The following ITPRID2 variants were observed in gnomAD, a reference collection of about 807,000 sequenced individuals.
ITPRID2 encodes ITPR interacting domain containing 2.
In ITPRID2, 60 loss-of-function variants were observed where a neutral mutation model predicts 124.3. The observed-to-expected ratio is 0.48, with a 90% confidence interval of 0.39 to 0.60. The LOEUF is 0.60. ITPRID2 is among the 20% of genes least tolerant of loss of function. The pLI, the probability that ITPRID2 is intolerant of heterozygous loss-of-function variation, is 0.00. For missense variants in ITPRID2, 1,553 were observed against 1,512.2 expected (o/e 1.03, Z -0.45); for synonymous variants, 521 against 542.9 (o/e 0.96, Z 0.56).
rs74735662 is a variant in ITPRID2, at chr2:181,918,326, C to T, written c.2788-272C>T. The T allele has an allele frequency of 0.028, 32,503 of 1,171,844 alleles. 694 individuals carry two copies. The highest frequency in any genetic ancestry group is 0.12 in the East Asian group (2,794 of 23,844). 72.6% of individuals were successfully genotyped at this position (1,171,844 alleles called of 1,614,324 possible). On this transcript the variant is annotated intron_variant, in intron 11 of 17. Transcript: ENST00000431877. ...TTTTGATTTTGTTTTTTTTTAGTTT[C>T]GCAAGAGGGAAGTCCTGAAAGAAAT...
rs750129010 is a variant in ITPRID2 at position 181,922,245 on chromosome 2, C to T, written c.3508C>T (p.Pro1170Ser). 9 of 1,614,206 alleles carry T rather than the reference C, an allele frequency of 5.6e-6. No homozygotes were observed. The highest frequency in any genetic ancestry group is 7.6e-6 in the Non-Finnish European group (9 of 1,180,040). ...TAGAACAGGCTCTGTGCAGACACCT[C>T]CAGATTTGGAAAGTTCTGAGGAAGT... Reference protein sequence around the residue: ...PSRTGSVQTPPDLESSEEVDA... With the variant: ...PSRTGSVQTPSDLESSEEVDA... The change falls in exon 16 of 18, where the codon CCA becomes TCA. Residue 1170 changes from proline (P) to serine (S), a missense_variant. Physicochemically the swap from Pro to Ser is moderately conservative, Grantham distance 74 (BLOSUM62 -1). Transcript: ENST00000431877.
intron 15 of ITPRID2, among the ~76,000 whole-genome samples, chr2:181,921,189 A>G (rs991454604): frequency 2.6e-5 from 4 of 151,794 alleles, no homozygotes; most frequent in African/African-American, 9.7e-5. Flanking sequence ...GTCTTTAAAA[A>G]ATAATAAGCC....
chr2:181,923,187 G>GT (rs1694610509), intron 16 of ITPRID2, among the ~76,000 whole-genome samples: 1 of 152,044 alleles, frequency 6.6e-6, no homozygotes, highest in African/African-American at 2.4e-5. Context: ...TAAAATAAAT[G>GT]TTTTTTGCAC....
In ITPRID2 at chr2:181,928,163, T is replaced by C; in HGVS notation, c.3678T>C (p.Ile1226=). 6.5e-7 allele frequency: 1 copy of C among 1,538,812 alleles called. No homozygotes were observed. The highest frequency in any genetic ancestry group is 1.2e-5 in the South Asian group (1 of 81,586). Residue 1226 remains isoleucine, a splice_region_variant and synonymous_variant, in exon 17 of 18, where the codon ATT becomes ATC. Transcript: ENST00000431877. ...GTTTTATTGTTTTTCCAATCTAGAT[T>C]AAAGAGTCTATTGTTGGGGAAATCA... is the stretch of plus-strand genomic sequence containing the variant. ...QDELQQVIRE[I]KESIVGEIRR... is the part of the protein sequence containing the mutation.
chr2:181,923,140 T>G (rs1326637975), intron 16 of ITPRID2, among the ~76,000 whole-genome samples: 1 of 152,176 alleles, frequency 6.6e-6, no homozygotes, highest in East Asian at 1.9e-4. Flanking sequence ...AAATTACATA[T>G]GATTAGTAGT....
At position 181,918,672 on chromosome 2, in the gene ITPRID2, T is replaced by C; in HGVS notation, c.2862T>C (p.Tyr954=). The change falls in exon 12 of 18, where the codon TAT becomes TAC. Residue 954 remains tyrosine (Y), a synonymous_variant. Transcript: ENST00000431877. The part of the protein sequence containing the change: ...STQKSSVLPL[Y]ENTFQELQVM... ...AGAAATCATCTGTTCTACCTCTTTA[T>C]GAAGTAAGTTCTTTCTTACATCTTT... 1 of 1,614,088 alleles carries C rather than the reference T, an allele frequency of 6.2e-7. No individual in the cohort carries two copies. The highest frequency in any genetic ancestry group is 8.5e-7 in the Non-Finnish European group (1 of 1,179,950).
chr2:181,915,341 A>G lies in ITPRID2; in HGVS notation c.1701A>G (p.Ser567=). The change falls in exon 11 of 18, where the codon TCA becomes TCG. Residue 567 remains serine (S), a synonymous_variant. Coordinates refer to ENST00000431877, the MANE Select transcript of ITPRID2 (RefSeq NM_001130445.3). ...AAGACCAGCCTTATTTTAATGAATC[A>G]GAGGAGGAGTCTCTTGTCCCTCTTC... The part of the protein sequence containing the change: ...TAQDQPYFNE[S]EEESLVPLQK... 1 of 1,614,212 alleles carries G rather than the reference A, an allele frequency of 6.2e-7. No homozygotes were observed. Among genetic ancestry groups the G allele is most frequent in the Non-Finnish European group, 8.5e-7 (1 of 1,180,042 alleles).
chr2:181,909,880 A>T lies in ITPRID2; in HGVS notation c.1414-19A>T, dbSNP rs1432902791. On this transcript the variant is annotated intron_variant, in intron 8 of 17. Transcript: ENST00000431877. Reference sequence around the variant, plus strand: ...GCCTTAGATTCATTTGGTTTTAACTACTTAAAACTCTTCTTAAGGTTCAAA... The same window carrying T: ...GCCTTAGATTCATTTGGTTTTAACTTCTTAAAACTCTTCTTAAGGTTCAAA... 6.2e-7 allele frequency: 1 copy of T among 1,603,778 alleles called. No individual in the cohort carries two copies. Among genetic ancestry groups the T allele is most frequent in the Non-Finnish European group, 8.5e-7 (1 of 1,171,306 alleles).
In ITPRID2 at chr2:181,892,006, C is replaced by G; in HGVS notation, c.-61C>G. The G allele has an allele frequency of 2.0e-6, 3 of 1,467,358 alleles. No homozygotes were observed. The highest frequency in any genetic ancestry group is 2.7e-6 in the Non-Finnish European group (3 of 1,095,318). The allele number at this position is 1,467,358 out of a possible 1,614,324, so 90.9% of individuals were successfully genotyped here. A position where few individuals can be genotyped will look rare whatever the true frequency, so the allele number is the denominator to read the frequency against. On this transcript the variant is annotated 5_prime_UTR_variant, in exon 1 of 18. Coordinates refer to ENST00000431877, the MANE Select transcript of ITPRID2 (RefSeq NM_001130445.3). The surrounding 1 kb of genome is among the most constrained non-coding windows in gnomAD (Gnocchi z 5.2). ...GGGCGCTGACAGCAAGGGCGGGGGT[C>G]CCTGCCGCCGCCTTGTCTCGCGCAG...
intron 13 of ITPRID2, 55 bp downstream of exon 13, chr2:181,918,937 C>T: frequency 6.3e-7 from 1 of 1,588,168 alleles, no homozygotes; most frequent in Non-Finnish European, 8.5e-7. Flanking sequence ...TCAAAGTCTT[C>T]TCAACTTATA....
chr2:181,919,421 C>T lies in ITPRID2; in HGVS notation c.3119C>T (p.Ser1040Leu). Residue 1040 changes from serine (S) to leucine (L), a missense_variant, in exon 14 of 18, where the codon TCA becomes TTA. Physicochemically the swap from Ser to Leu is moderately radical, Grantham distance 145. Coordinates refer to ENST00000431877, the MANE Select transcript of ITPRID2 (RefSeq NM_001130445.3). The surrounding 1 kb of genome is among the most constrained non-coding windows in gnomAD (Gnocchi z 4.2). Reference protein sequence around the residue: ...EEQLRAVRMPSPFRSSALMGM... With the variant: ...EEQLRAVRMPLPFRSSALMGM... ...CAGCTTCGTGCTGTGCGCATGCCTT[C>T]ACCCTTCCGCTCCTCCGCACTCATG... 6.2e-7 allele frequency: 1 copy of T among 1,607,288 alleles called. No individual in the cohort carries two copies. The highest frequency in any genetic ancestry group is 1.7e-5 in the Admixed American group (1 of 58,958).
At chr2:181,908,173 C>T (rs1693303570) in intron 8 of ITPRID2, among the ~76,000 whole-genome samples, 1 of 152,024 alleles carries the variant, frequency 6.6e-6, no homozygotes, top group Non-Finnish European at 1.5e-5. Context: ...GTTTGAGACC[C>T]CAGCCTGGGC....
intron 6 of ITPRID2, 67 bp downstream of exon 6, chr2:181,899,179 C>G (rs1558981511): frequency 5.1e-6 from 6 of 1,168,116 alleles, no homozygotes; most frequent in African/African-American, 1.6e-5. Flanking sequence ...ATCATTTTTT[C>G]AATCTTGGAT....
In ITPRID2 at chr2:181,891,919, CCCTCCTCCTCCT is replaced by C. The variant is rs554422909; in HGVS notation, c.-136_-125del. On this transcript the variant is annotated 5_prime_UTR_variant, in exon 1 of 18. Coordinates refer to ENST00000431877, the MANE Select transcript of ITPRID2 (RefSeq NM_001130445.3). ...TTCCTTCCCTCCCTCCCTCCCTGTC[CCCTCCTCCTCCT>C]CCTCCTCCTCCGGCGCCCGCTTCAG... 2 of 563,172 alleles carry C rather than the reference CCCTCCTCCTCCT, an allele frequency of 3.6e-6. No homozygotes were observed. Among genetic ancestry groups the C allele is most frequent in the Non-Finnish European group, 3.1e-6 (1 of 323,710 alleles). The allele number at this position is 563,172 out of a possible 1,614,324, so 34.9% of individuals were successfully genotyped here.
rs1694445718 is a variant in ITPRID2, at chr2:181,921,096, A to G, written c.3210+434A>G. Among the ~76,000 whole-genome samples, 5 of 151,944 alleles carry G rather than the reference A, an allele frequency of 3.3e-5. No individual in the cohort carries two copies. In the South Asian group the frequency reaches 1.0e-3, roughly 31 times the overall value. On this transcript the variant is annotated intron_variant, in intron 15 of 17. Coordinates refer to ENST00000431877, the MANE Select transcript of ITPRID2 (RefSeq NM_001130445.3). Reference sequence around the variant, plus strand: ...TTACTCAGGAGGCTGAGGCGGGAGGATTGCTTGAGGCCAGGAGCTCAAGGC... The same window carrying G: ...TTACTCAGGAGGCTGAGGCGGGAGGGTTGCTTGAGGCCAGGAGCTCAAGGC...
chr2:181,927,748 C>T lies in ITPRID2; in HGVS notation c.3676-413C>T, dbSNP rs114361918. ...GGCAGTATACCTGTATACTATTTTG[C>T]CTCTAAAAGATTTTCTCAGCAATGA... On this transcript the variant is annotated intron_variant, in intron 16 of 17. Transcript: ENST00000431877. Among the ~76,000 whole-genome samples the T allele has an allele frequency of 8.5e-3, 1,299 of 152,254 alleles. 10 individuals are homozygous for T. Among genetic ancestry groups the T allele is most frequent in the African/African-American group, 0.029 (1,224 of 41,544 alleles).
chr2:181,892,427 G>C lies in ITPRID2; in HGVS notation c.211+150G>C, dbSNP rs1255109925. 1.7e-6 allele frequency: 2 copies of C among 1,149,270 alleles called. No homozygotes were observed. Among genetic ancestry groups the C allele is most frequent in the African/African-American group, 3.1e-5 (2 of 64,500 alleles). The allele number at this position is 1,149,270 out of a possible 1,614,324, so 71.2% of individuals were successfully genotyped here. On this transcript the variant is annotated intron_variant, in intron 1 of 17. Transcript: ENST00000431877. The surrounding 1 kb of genome is among the most constrained non-coding windows in gnomAD (Gnocchi z 5.2). ...CTTCCGACCTTCAAACGCGCGCGCT[G>C]AACGAGGCGCCCCCAGCGTCAACAC...
At position 181,915,802 on chromosome 2, in the gene ITPRID2, TAAAAC is replaced by T; in HGVS notation, c.2166_2170del (p.Gln723ValfsTer50). On this transcript the variant is annotated frameshift_variant, in exon 11 of 18. Coordinates refer to ENST00000431877, the MANE Select transcript of ITPRID2 (RefSeq NM_001130445.3). LOFTEE classifies it high-confidence loss of function. ...AGCCTGCTAAAATCAAAAGATTTGT[TAAAAC>T]AAAGGTACTTATTTGCAAAAGCTGG... is the stretch of plus-strand genomic sequence containing the variant. 1.9e-6 allele frequency: 3 copies of T among 1,614,206 alleles called. No individual in the cohort carries two copies. The highest frequency in any genetic ancestry group is 2.5e-6 in the Non-Finnish European group (3 of 1,180,032).
chr2:181,911,793 G>T (rs1214342814), intron 9 of ITPRID2, among the ~76,000 whole-genome samples: 1 of 152,188 alleles, frequency 6.6e-6, no homozygotes, highest in Admixed American at 6.5e-5. Flanking sequence ...AGCCCTGTGA[G>T]ATAGATAGAA....
Sources: allele counts gnomAD v4.1 joint callset (sites outside exome capture counted in the v4.1 genomes callset), GRCh38; gene constraint gnomAD v4.1.1; non-coding constraint Gnocchi (gnomAD v3.1); transcripts MANE v1.5; gene names NCBI Gene and HGNC (gene_info 2026-07-23, HGNC 2026-07-21).